The following ADCK1 variants were observed in gnomAD, a reference collection of about 807,000 sequenced individuals.
The protein encoded by ADCK1 is aarF domain-containing protein kinase 1.
ADCK1 carries 41 observed loss-of-function variants against 52.3 expected under a neutral mutation model. The observed-to-expected ratio is 0.78, with a 90% CI of 0.61 to 1.02. ADCK1 has a LOEUF of 1.02. ADCK1 is among the 50% of genes least tolerant of loss of function. The pLI, the probability that ADCK1 is intolerant of heterozygous loss-of-function variation, is 0.00. For missense variants in ADCK1, 658 were observed against 679.5 expected (o/e 0.97, Z 0.35); for synonymous variants, 250 against 274.6 (o/e 0.91, Z 0.89).
At chr14:77,850,097 C>T (rs149572322) in intron 3 of ADCK1, among the ~76,000 whole-genome samples, 1,597 of 152,210 alleles carry the variant, frequency 0.01, 81 homozygotes, top group Admixed American at 0.083. Context: ...GTCTCAGCTA[C>T]TGGGGAGGCC....
intron 4 of ADCK1, 138 bp from the exon 5 acceptor site, chr14:77,886,953 A>G (rs991531234): frequency 2.1e-6 from 2 of 941,714 alleles, no homozygotes; most frequent in Middle Eastern, 2.3e-4. Flanking sequence ...CACAACACAC[A>G]CACACACTCT....
At chr14:77,910,779 C>T (rs769165476) in intron 7 of ADCK1, among the ~76,000 whole-genome samples, 41 of 152,330 alleles carry the variant, frequency 2.7e-4, no homozygotes, top group Non-Finnish European at 4.9e-4. Flanking sequence ...GAGGGGGCAG[C>T]TAGGCTGGAG....
intron 9 of ADCK1, among the ~76,000 whole-genome samples, chr14:77,926,172 C>T (rs552658311): frequency 8.5e-5 from 13 of 152,242 alleles, no homozygotes; most frequent in East Asian, 1.9e-4. Context: ...TGATACCTCC[C>T]GAGCTCCCCT....
intron 7 of ADCK1, among the ~76,000 whole-genome samples, chr14:77,918,988 G>T (rs955650678): frequency 3.3e-5 from 5 of 152,068 alleles, no homozygotes; most frequent in African/African-American, 1.2e-4. Flanking sequence ...CTGTTTAAAC[G>T]CCCATAAACA....
chr14:77,821,851 G>C (rs2081589632), intron 2 of ADCK1, among the ~76,000 whole-genome samples: 1 of 139,828 alleles, frequency 7.2e-6, no homozygotes, highest in African/African-American at 2.7e-5. Flanking sequence ...GATCATGCCA[G>C]TGCACTCCAG....
intron 9 of ADCK1, among the ~76,000 whole-genome samples, chr14:77,926,337 A>T (rs2084193189): frequency 6.6e-6 from 1 of 152,132 alleles, no homozygotes; most frequent in South Asian, 2.1e-4. Flanking sequence ...TCTCTTAAAT[A>T]AATCTGGCAG....
chr14:77,869,127 G>T (rs2082722382), intron 4 of ADCK1, among the ~76,000 whole-genome samples: 1 of 152,144 alleles, frequency 6.6e-6, no homozygotes, highest in Non-Finnish European at 1.5e-5. Context: ...CCGACAAGCT[G>T]GCCTGGAGTG....
At position 77,852,123 on chromosome 14, in the gene ADCK1, A is replaced by G. The variant is rs554328809; in HGVS notation, c.220-6953A>G. ...AAGTGATTCTTCTGCCTCAGCCTCC[A>G]GAGTAGCTGGGACTACAGGTGCGCG... is the stretch of plus-strand genomic sequence containing the variant. On this transcript the variant is annotated intron_variant, in intron 3 of 10. Transcript: ENST00000238561. Among the ~76,000 whole-genome samples the G allele has an allele frequency of 3.9e-5, 6 of 151,956 alleles. No homozygotes were observed. In the South Asian group the frequency reaches 6.2e-4, roughly 16 times the overall value.
intron 5 of ADCK1, among the ~76,000 whole-genome samples, chr14:77,889,905 CAGA>C (rs765363655): frequency 1.1e-4 from 9 of 85,048 alleles, no homozygotes; most frequent in Admixed American, 4.8e-4. Flanking sequence ...AAAAAAAAAA[CAGA>C]AGAAGAAGAA....
At chr14:77,838,826 C>A (rs902790887) in intron 3 of ADCK1, among the ~76,000 whole-genome samples, 1 of 152,202 alleles carries the variant, frequency 6.6e-6, no homozygotes, top group Non-Finnish European at 1.5e-5. Context: ...ATTCATTCAG[C>A]CAATTGTTCA....
At chr14:77,841,444 G>GA (rs897591469) in intron 3 of ADCK1, among the ~76,000 whole-genome samples, 19 of 151,288 alleles carry the variant, frequency 1.3e-4, no homozygotes, top group Non-Finnish European at 2.5e-4. Flanking sequence ...ATCTTTAGGG[G>GA]AAAAAAAACT....
chr14:77,907,744 T>C, intron 6 of ADCK1, 59 bp from the exon 7 acceptor site: 12 of 1,349,302 alleles, frequency 8.9e-6, no homozygotes, highest in Non-Finnish European at 1.2e-5. Context: ...TGCCACATTG[T>C]CATCCTTGCC....
intron 4 of ADCK1, among the ~76,000 whole-genome samples, chr14:77,861,999 A>G (rs72690656): frequency 0.027 from 4,106 of 152,312 alleles, 86 homozygotes; most frequent in Non-Finnish European, 0.042. Flanking sequence ...CGCTGGGGCC[A>G]CATTGCTAAG....
At chr14:77,839,715 C>T (rs11159296) in intron 3 of ADCK1, among the ~76,000 whole-genome samples, 32,668 of 151,696 alleles carry the variant, frequency 0.22, 4,238 homozygotes, top group African/African-American at 0.36. Flanking sequence ...AGGTGGATGA[C>T]GTGAGATCAG....
At chr14:77,852,481 C>T (rs147928493) in intron 3 of ADCK1, among the ~76,000 whole-genome samples, 2,323 of 151,390 alleles carry the variant, frequency 0.015, 54 homozygotes, top group African/African-American at 0.054. Context: ...TGCCATCATT[C>T]GTATCTTTAT....
chr14:77,907,595 G>A (rs138212893), intron 6 of ADCK1, among the ~76,000 whole-genome samples: 4 of 152,186 alleles, frequency 2.6e-5, no homozygotes, highest in Non-Finnish European at 4.4e-5. Context: ...AGGAGTGGGC[G>A]GAGGCCTGCT....
intron 3 of ADCK1, among the ~76,000 whole-genome samples, chr14:77,857,077 T>A (rs758543604): frequency 6.6e-6 from 1 of 151,928 alleles, no homozygotes; most frequent in Non-Finnish European, 1.5e-5. Context: ...AGACAGCCCC[T>A]CTGCTGTGTC....
chr14:77,901,733 A>G (rs1041320762), intron 6 of ADCK1, among the ~76,000 whole-genome samples: 6 of 152,214 alleles, frequency 3.9e-5, no homozygotes, highest in Non-Finnish European at 5.9e-5. Context: ...CTCAGAGCAC[A>G]CAGGAACTGG....
At chr14:77,910,268 AAG>A (rs1389940472) in intron 7 of ADCK1, among the ~76,000 whole-genome samples, 1 of 151,960 alleles carries the variant, frequency 6.6e-6, no homozygotes, top group African/African-American at 2.4e-5. Context: ...GGATGAGAAA[AAG>A]AGTTCATCCT....
Sources: allele counts gnomAD v4.1 joint callset (sites outside exome capture counted in the v4.1 genomes callset), GRCh38; gene constraint gnomAD v4.1.1; transcripts MANE v1.5; gene names NCBI Gene and HGNC (gene_info 2026-07-23, HGNC 2026-07-21).